The following LSAMP variants were observed in gnomAD, a reference collection of about 807,000 sequenced individuals.
LSAMP encodes limbic system-associated membrane protein.
Under a neutral mutation model 38.6 loss-of-function variants are expected in LSAMP, and 7 were observed. The ratio of observed to expected loss-of-function variants is 0.18; its 90% CI spans 0.10 to 0.34. The LOEUF (loss-of-function observed/expected upper bound fraction) is 0.34, where lower values mean the gene tolerates loss of function less well. Among genes scored for constraint, LSAMP ranks in the 10% least tolerant of loss-of-function variants. The probability of loss-of-function intolerance (pLI) is 1.00; values close to 1 mark genes in which losing one functional copy is unlikely to be tolerated. For synonymous variants in LSAMP, 154 were observed against 166.8 expected, an observed-to-expected ratio of 0.92 and a Z score of 0.59; for missense variants, 313 against 420.0, an observed-to-expected ratio of 0.75 and a Z score of 2.23.
chr3:116,335,622 G>A (rs960050116), intron 1 of LSAMP, among the ~76,000 whole-genome samples: 4 of 151,970 alleles, frequency 2.6e-5, no homozygotes, highest in African/African-American at 9.7e-5. Flanking sequence ...TGTTCATCAG[G>A]ATTATGTCCT....
chr3:116,098,718 C>T (rs1403305240), intron 1 of LSAMP, among the ~76,000 whole-genome samples: 1 of 152,082 alleles, frequency 6.6e-6, no homozygotes, highest in Non-Finnish European at 1.5e-5. Context: ...GTGTAACACC[C>T]TGTGTGTGTG....
chr3:116,164,773 T>TTTTCAAGTAGCATCTAGCTTAG (rs1279357951), intron 1 of LSAMP, among the ~76,000 whole-genome samples: 1 of 143,810 alleles, frequency 7.0e-6, no homozygotes, highest in Non-Finnish European at 1.5e-5. Flanking sequence ...TTTTTTTTTT[T>TTTTCAAGTAGCATCTAGCTTAG]TCAAGTAGCA....
At chr3:116,392,753 C>T (rs1320419454) in intron 1 of LSAMP, among the ~76,000 whole-genome samples, 4 of 152,140 alleles carry the variant, frequency 2.6e-5, no homozygotes, top group Non-Finnish European at 5.9e-5. Flanking sequence ...ACCCATGGAC[C>T]AATCAGCATA....
chr3:116,252,354 A>T (rs2046694998), intron 1 of LSAMP, among the ~76,000 whole-genome samples: 1 of 152,178 alleles, frequency 6.6e-6, no homozygotes, highest in Admixed American at 6.5e-5. Flanking sequence ...AACCTCATGA[A>T]ATCAATTGTG....
intron 2 of LSAMP, among the ~76,000 whole-genome samples, chr3:116,069,061 A>G (rs1707532491): frequency 6.6e-6 from 1 of 152,154 alleles, no homozygotes; most frequent in South Asian, 2.1e-4. Flanking sequence ...ACTCATTGTT[A>G]CTCCTCTGCA....
At chr3:116,251,538 T>A (rs1274196498) in intron 1 of LSAMP, among the ~76,000 whole-genome samples, 1 of 152,212 alleles carries the variant, frequency 6.6e-6, no homozygotes, top group Admixed American at 6.5e-5. Context: ...TGAGATAAGA[T>A]AATACAGACC....
intron 1 of LSAMP, among the ~76,000 whole-genome samples, chr3:116,191,146 C>A (rs1350083395): frequency 6.6e-6 from 1 of 152,096 alleles, no homozygotes; most frequent in Admixed American, 6.6e-5. Context: ...TGGCCTGAAC[C>A]CAGGAGGTGG....
chr3:115,891,553 T>A (rs187094885), intron 3 of LSAMP, among the ~76,000 whole-genome samples: 46 of 152,124 alleles, frequency 3.0e-4, no homozygotes, highest in Admixed American at 1.9e-3. Flanking sequence ...GCAATATGCT[T>A]ATTGTTGAAT....
intron 1 of LSAMP, among the ~76,000 whole-genome samples, chr3:116,398,550 G>A (rs555695574): frequency 6.6e-6 from 1 of 152,268 alleles, no homozygotes; most frequent in African/African-American, 2.4e-5. Context: ...GAAAGAGACG[G>A]TCCTTGGACT....
intron 1 of LSAMP, among the ~76,000 whole-genome samples, chr3:116,437,041 G>GTATATA (rs139542369): frequency 1.0e-4 from 15 of 144,164 alleles, no homozygotes; most frequent in African/African-American, 3.8e-4. Flanking sequence ...ATATATATGT[G>GTATATA]TATATATATA....
At position 115,869,269 on chromosome 3, in the gene LSAMP, G is replaced by GGAGAGAGAGAGA. The variant is rs35112915; in HGVS notation, c.515-16664_515-16653dup. Among the ~76,000 whole-genome samples, 249 of 128,506 alleles carry GGAGAGAGAGAGA rather than the reference G, an allele frequency of 1.9e-3. 5 individuals are homozygous for GGAGAGAGAGAGA. The highest frequency in any genetic ancestry group is 3.4e-3 in the African/African-American group (123 of 35,814). The allele number at this position is 128,506 out of a possible 152,430, so 84.3% of individuals were successfully genotyped here. A position where few individuals can be genotyped will look rare whatever the true frequency, so the allele number is the denominator to read the frequency against. On this transcript the variant is annotated intron_variant, in intron 3 of 6. Transcript: ENST00000490035. Reference sequence around the variant, plus strand: ...CCTTCATAACCTCTATCTTGGAGGGGGAGAGAGAGAGAGAGAGAGAGAGAG... The same window carrying GGAGAGAGAGAGA: ...CCTTCATAACCTCTATCTTGGAGGGGGAGAGAGAGAGAGAGAGAGAGAGAGAGAGAGAGAGAG...
At chr3:116,234,367 G>C (rs565563930) in intron 1 of LSAMP, among the ~76,000 whole-genome samples, 1 of 152,312 alleles carries the variant, frequency 6.6e-6, no homozygotes, top group African/African-American at 2.4e-5. Context: ...TGATTGATAA[G>C]AAGGTAGAAC....
At chr3:116,058,091 A>G (rs1389500912) in intron 2 of LSAMP, among the ~76,000 whole-genome samples, 3 of 152,174 alleles carry the variant, frequency 2.0e-5, no homozygotes, top group Non-Finnish European at 4.4e-5. Context: ...ATTATCTACA[A>G]TGAATATATT....
At chr3:115,911,383 A>G (rs892573722) in intron 3 of LSAMP, among the ~76,000 whole-genome samples, 1 of 152,162 alleles carries the variant, frequency 6.6e-6, no homozygotes, top group Non-Finnish European at 1.5e-5. Flanking sequence ...TCTGAGACAG[A>G]TTCTCACTCT....
chr3:116,427,109 CTTTTTTT>C (rs758726064), intron 1 of LSAMP, among the ~76,000 whole-genome samples: 1 of 95,396 alleles, frequency 1.0e-5, no homozygotes, highest in African/African-American at 3.8e-5. Flanking sequence ...CTCTTTCTTT[CTTTTTTT>C]TTTTTTTTTT....
intron 1 of LSAMP, among the ~76,000 whole-genome samples, chr3:116,223,459 A>G (rs1329756950): frequency 6.6e-6 from 1 of 152,238 alleles, no homozygotes; most frequent in Non-Finnish European, 1.5e-5. Context: ...AATGTGGCTT[A>G]TCAATTCATT....
intron 6 of LSAMP, among the ~76,000 whole-genome samples, chr3:115,835,124 A>G (rs1203344579): frequency 6.6e-6 from 1 of 152,180 alleles, no homozygotes; most frequent in African/African-American, 2.4e-5. Context: ...TTTACTTTAC[A>G]TTACTGATAC....
chr3:115,816,987 C>A (rs758648711), intron 6 of LSAMP, among the ~76,000 whole-genome samples: 1 of 152,134 alleles, frequency 6.6e-6, no homozygotes, highest in Non-Finnish European at 1.5e-5. Flanking sequence ...AGAATGTGTC[C>A]GATCCATAAC....
intron 2 of LSAMP, among the ~76,000 whole-genome samples, chr3:116,023,351 T>C (rs1050327676): frequency 2.0e-5 from 3 of 151,708 alleles, no homozygotes; most frequent in African/African-American, 7.3e-5. Flanking sequence ...TCCCAGCACT[T>C]TGGGAGGCCG....
Sources: allele counts gnomAD v4.1 joint callset (sites outside exome capture counted in the v4.1 genomes callset), GRCh38; gene constraint gnomAD v4.1.1; transcripts MANE v1.5; gene names NCBI Gene and HGNC (gene_info 2026-07-23, HGNC 2026-07-21).